Variants in TRPM3 observed in about 807,000 individuals in gnomAD.
TRPM3 encodes transient receptor potential cation channel subfamily M member 3, also known as long transient receptor potential channel 3.
In TRPM3, 77 loss-of-function variants were observed where a neutral mutation model predicts 181.2. The observed-to-expected ratio is 0.42, with a 90% CI of 0.35 to 0.51. The LOEUF (loss-of-function observed/expected upper bound fraction) is 0.51. Ranked by LOEUF, TRPM3 falls within the 20% of genes least tolerant of loss-of-function variation. The probability of loss-of-function intolerance (pLI) is 0.01; values close to 1 mark genes in which losing one functional copy is unlikely to be tolerated. For missense variants in TRPM3, 1,759 were observed against 2,196.7 expected, an observed-to-expected ratio of 0.80 and a Z score of 3.98; for synonymous variants, 745 against 796.4, an observed-to-expected ratio of 0.94 and a Z score of 1.09.
intron 1 of TRPM3, among the ~76,000 whole-genome samples, chr9:71,349,235 G>T (rs2091463971): frequency 1.3e-5 from 2 of 152,140 alleles, no homozygotes; most frequent in African/African-American, 4.8e-5. Context: ...TACTATCCAA[G>T]AATCCATATA....
chr9:71,037,354 T>C (rs1026101648), intron 1 of TRPM3, among the ~76,000 whole-genome samples: 1 of 152,242 alleles, frequency 6.6e-6, no homozygotes, highest in African/African-American at 2.4e-5. Flanking sequence ...AAAGTTTGAA[T>C]ATGTAACACA....
chr9:71,004,175 A>G (rs926015518), intron 1 of TRPM3, among the ~76,000 whole-genome samples: 1 of 152,228 alleles, frequency 6.6e-6, no homozygotes, highest in Non-Finnish European at 1.5e-5. Flanking sequence ...GGTCACATGG[A>G]TAAGACTGGC....
intron 1 of TRPM3, chr9:70,917,210 T>G: frequency 6.3e-7 from 1 of 1,598,418 alleles, no homozygotes; most frequent in South Asian, 1.1e-5. Context: ...ATTGAAGTCC[T>G]GGATTGCAAA....
At chr9:70,680,484 C>T (rs1467588423) in intron 9 of TRPM3, among the ~76,000 whole-genome samples, 1 of 152,002 alleles carries the variant, frequency 6.6e-6, no homozygotes, top group Non-Finnish European at 1.5e-5. Context: ...CCCACTTGTC[C>T]CTTCATTTAT....
At position 70,915,600 on chromosome 9, in the gene TRPM3, T is replaced by C. The variant is rs548906969; in HGVS notation, c.178-51089A>G. On this transcript the variant is annotated intron_variant, in intron 1 of 25. Transcript: ENST00000677713. ...GATTACAGGCATGAGCCACCACGCC[T>C]GGCCACATGAGAGTCTTTTAATAGC... Among the ~76,000 whole-genome samples, 124 of 151,800 alleles carry C rather than the reference T, an allele frequency of 8.2e-4. 1 individual carries two copies. The highest frequency in any genetic ancestry group is 2.0e-3 in the Admixed American group (30 of 15,242).
chr9:71,151,079 T>C (rs183983443), intron 1 of TRPM3, among the ~76,000 whole-genome samples: 153 of 152,274 alleles, frequency 1.0e-3, no homozygotes, highest in African/African-American at 3.6e-3. Context: ...TTAAAAACAC[T>C]AGAAATGAAT....
intron 1 of TRPM3, among the ~76,000 whole-genome samples, chr9:71,039,879 A>G (rs1192810849): frequency 6.6e-6 from 1 of 152,180 alleles, no homozygotes; most frequent in East Asian, 1.9e-4. Context: ...GCCATAATAC[A>G]TGCTCACCTT....
intron 1 of TRPM3, among the ~76,000 whole-genome samples, chr9:71,399,506 T>C (rs1056405593): frequency 6.6e-6 from 1 of 151,360 alleles, no homozygotes; most frequent in African/African-American, 2.4e-5. Flanking sequence ...ATATTCATTT[T>C]ACTCCTTATA....
At chr9:70,677,905 A>G (rs1468197812) in intron 9 of TRPM3, among the ~76,000 whole-genome samples, 1 of 149,888 alleles carries the variant, frequency 6.7e-6, no homozygotes, top group East Asian at 2.0e-4. Flanking sequence ...TTTGAATTTC[A>G]GGCAAATAAT....
rs567647979 is a variant in TRPM3, at chr9:70,962,746, G to GTCTC, written c.178-98239_178-98236dup. ...CTCTAATAAATGTTATATGAATGTG[G>GTCTC]TCTCTCTCTCTCTCTCAAAATATCT... On this transcript the variant is annotated intron_variant, in intron 1 of 25. Coordinates refer to ENST00000677713, the MANE Select transcript of TRPM3 (RefSeq NM_001366145.2). Among the ~76,000 whole-genome samples, 6 of 151,472 alleles carry GTCTC rather than the reference G, an allele frequency of 4.0e-5. No individual in the cohort carries two copies. The South Asian group carries it at 1.0e-3, about 26-fold the overall frequency.
chr9:70,956,714 A>T (rs2133767246), intron 1 of TRPM3, among the ~76,000 whole-genome samples: 1 of 152,078 alleles, frequency 6.6e-6, no homozygotes, highest in South Asian at 2.1e-4. Flanking sequence ...GCAAGACCCC[A>T]TCATTACAAA....
intron 19 of TRPM3, among the ~76,000 whole-genome samples, chr9:70,609,180 G>A (rs1350913966): frequency 6.6e-6 from 1 of 152,194 alleles, no homozygotes; most frequent in Non-Finnish European, 1.5e-5. Context: ...GGGAAATTAA[G>A]TTGTTTGAGG....
chr9:70,542,943 C>T (rs1460902204), intron 25 of TRPM3, among the ~76,000 whole-genome samples: 2 of 152,144 alleles, frequency 1.3e-5, no homozygotes, highest in Admixed American at 1.3e-4. Flanking sequence ...GGGTCACCTA[C>T]CCTTCCCTTT....
At chr9:71,169,327 G>A (rs1201490754) in intron 1 of TRPM3, among the ~76,000 whole-genome samples, 1 of 152,130 alleles carries the variant, frequency 6.6e-6, no homozygotes, top group Non-Finnish European at 1.5e-5. Flanking sequence ...ATTCACCAAC[G>A]GTTGGAAACA....
intron 1 of TRPM3, among the ~76,000 whole-genome samples, chr9:70,955,510 C>T (rs902509265): frequency 2.0e-4 from 31 of 152,064 alleles, no homozygotes; most frequent in Non-Finnish European, 3.4e-4. Flanking sequence ...TTGATTTTCA[C>T]GGCAATTTTA....
intron 8 of TRPM3, among the ~76,000 whole-genome samples, chr9:70,759,649 AG>A (rs1396356571): frequency 1.3e-5 from 2 of 152,248 alleles, no homozygotes; most frequent in African/African-American, 4.8e-5. Context: ...AATACTATGC[AG>A]CCATAAAAAA....
At chr9:71,135,927 T>G (rs1453927833) in intron 1 of TRPM3, among the ~76,000 whole-genome samples, 1 of 152,202 alleles carries the variant, frequency 6.6e-6, no homozygotes, top group Non-Finnish European at 1.5e-5. Flanking sequence ...GGTATAGGAT[T>G]TGATGCCACA....
intron 1 of TRPM3, among the ~76,000 whole-genome samples, chr9:71,136,283 G>C (rs1017924291): frequency 2.0e-5 from 3 of 152,156 alleles, no homozygotes; most frequent in Non-Finnish European, 2.9e-5. Flanking sequence ...CTTTAAAGTT[G>C]ACTTTGGAGG....
intron 8 of TRPM3, among the ~76,000 whole-genome samples, chr9:70,700,289 T>C (rs1037378829): frequency 7.9e-5 from 12 of 152,204 alleles, no homozygotes; most frequent in Non-Finnish European, 1.8e-4. Context: ...GGCCAAGGGC[T>C]GCTCTTAACA....
Sources: gnomAD v4.1 joint callset for allele counts (sites outside exome capture counted in the v4.1 genomes callset) on GRCh38, gnomAD v4.1.1 for gene constraint, MANE v1.5 for transcripts, NCBI Gene and HGNC (gene_info 2026-07-23, HGNC 2026-07-21) for gene names.